The following INSC variants were observed in gnomAD, a reference collection of about 807,000 sequenced individuals.
INSC encodes the protein protein inscuteable homolog.
In INSC, 67 loss-of-function variants were observed where a neutral mutation model predicts 58.6. That is an observed-to-expected ratio of 1.14 (90% CI 0.94 to 1.40). The LOEUF is 1.40. Among genes scored for constraint, INSC ranks in the 40% most tolerant of loss-of-function variants. The pLI, the probability that INSC is intolerant of heterozygous loss-of-function variation, is 0.00. For synonymous variants in INSC, 262 were observed against 276.1 expected (o/e 0.95, Z 0.51); for missense variants, 714 against 692.0 (o/e 1.03, Z -0.36).
Position 15,175,856 on chromosome 11 carries a change from GCA to G in INSC, c.175_176del (p.Gln59GlyfsTer2). 6.2e-7 allele frequency: 1 copy of G among 1,614,004 alleles called. No homozygotes were observed. Among genetic ancestry groups the G allele is most frequent in the Non-Finnish European group, 8.5e-7 (1 of 1,179,848 alleles). ...CAAGCCCATCAGCCTGGAAGAGGAT[GCA>G]CAGGGTGACCTCATCCTGGCAGGTG... is the stretch of plus-strand genomic sequence containing the variant. ...QAKPISLEED[A>X]QGDLILAGGP... On this transcript the variant is annotated frameshift_variant, in exon 3 of 13. Transcript: ENST00000379556. LOFTEE classifies it high-confidence loss of function.
chr11:15,114,809 T>C (rs1016484024), upstream of INSC: 2 of 322,362 alleles, frequency 6.2e-6, no homozygotes, highest in Non-Finnish European at 8.3e-6. Flanking sequence ...CGCGCTGCTG[T>C]GGAAGGTCCT....
At chr11:15,255,976 C>T in the INSC span, among the ~76,000 whole-genome samples, 22 of 152,252 alleles carry the variant, frequency 1.4e-4, no homozygotes, top group East Asian at 4.2e-3. Flanking sequence ...CTTTCTTTTC[C>T]ACCCTGAGAT....
At chr11:15,149,332 A>C in intron 2 of INSC, 102 bp downstream of exon 2, 1 of 1,213,430 alleles carries the variant, frequency 8.2e-7, no homozygotes, top group Non-Finnish European at 1.1e-6. Flanking sequence ...CCATCTTCCC[A>C]CGCAATTTTC....
intron 5 of INSC, among the ~76,000 whole-genome samples, chr11:15,180,426 G>A (rs921265094): frequency 6.6e-6 from 1 of 152,136 alleles, no homozygotes; most frequent in Admixed American, 6.5e-5. Context: ...AAGAGCCTGG[G>A]AAAATCTCCC....
chr11:15,165,885 CAT>C (rs1849178941), intron 2 of INSC, among the ~76,000 whole-genome samples: 1 of 152,024 alleles, frequency 6.6e-6, no homozygotes, highest in African/African-American at 2.4e-5. Flanking sequence ...GGTGGGGGAA[CAT>C]ATGTTAGATG....
intron 7 of INSC, among the ~76,000 whole-genome samples, chr11:15,201,430 G>A (rs942947543): frequency 6.6e-6 from 1 of 152,198 alleles, no homozygotes; most frequent in Non-Finnish European, 1.5e-5. Context: ...GGTGAGGGAG[G>A]TGGAAGCCCC....
At chr11:15,238,514 A>G (rs892740247) in intron 10 of INSC, among the ~76,000 whole-genome samples, 3 of 152,166 alleles carry the variant, frequency 2.0e-5, no homozygotes, top group Admixed American at 6.5e-5. Flanking sequence ...GGCTCCCCCA[A>G]CTGCTAACCA....
chr11:15,114,134 GA>G (rs1411414967), upstream of INSC, among the ~76,000 whole-genome samples: 3 of 151,418 alleles, frequency 2.0e-5, no homozygotes, highest in African/African-American at 4.9e-5. Flanking sequence ...GGGGGAGGGG[GA>G]GTTGTATGAA....
In INSC at chr11:15,177,202, C is replaced by T. The variant is rs377610922; in HGVS notation, c.455+39C>T. ...ATAGATCTCCCAGGGTCTGCCCACC[C>T]GACCTCTGGCAGGAGAAGGGGCTGG... On this transcript the variant is annotated intron_variant, in intron 4 of 12. Coordinates refer to ENST00000379556, the MANE Select transcript of INSC (RefSeq NM_001042536.3). 1.9e-5 allele frequency: 30 copies of T among 1,546,828 alleles called. No homozygotes were observed. In the Admixed American group the frequency reaches 2.2e-4, roughly 11 times the overall value.
chr11:15,234,481 A>G (rs188234717), intron 9 of INSC, among the ~76,000 whole-genome samples: 2 of 152,238 alleles, frequency 1.3e-5, no homozygotes, highest in African/African-American at 4.8e-5. Context: ...ACATAACATT[A>G]CTATCCAGTT....
At chr11:15,237,632 G>A (rs193076622) in intron 10 of INSC, among the ~76,000 whole-genome samples, 1 of 152,140 alleles carries the variant, frequency 6.6e-6, no homozygotes, top group African/African-American at 2.4e-5. Flanking sequence ...GGCCTCTAAG[G>A]TCTGGACAGG....
At chr11:15,157,485 A>G (rs1300016614) in intron 2 of INSC, among the ~76,000 whole-genome samples, 1 of 152,198 alleles carries the variant, frequency 6.6e-6, no homozygotes, top group Non-Finnish European at 1.5e-5. Context: ...GCTGAGGACA[A>G]TTGACCCACT....
At chr11:15,161,920 C>T (rs980724139) in intron 2 of INSC, among the ~76,000 whole-genome samples, 5 of 152,152 alleles carry the variant, frequency 3.3e-5, no homozygotes, top group African/African-American at 1.2e-4. Context: ...AAGTTAATAG[C>T]CTAACCATGC....
At chr11:15,264,935 G>T in the INSC span, among the ~76,000 whole-genome samples, 1 of 152,052 alleles carries the variant, frequency 6.6e-6, no homozygotes, top group Non-Finnish European at 1.5e-5. Context: ...CAAGAATAAA[G>T]GGAGAATGAC....
chr11:15,223,337 C>CTAT (rs1487473382), intron 8 of INSC, among the ~76,000 whole-genome samples: 1 of 152,200 alleles, frequency 6.6e-6, no homozygotes, highest in Admixed American at 6.5e-5. Flanking sequence ...AGGGGTCTTC[C>CTAT]TATTTGTTTC....
chr11:15,190,172 A>G (rs1233207946), intron 5 of INSC, among the ~76,000 whole-genome samples: 1 of 152,148 alleles, frequency 6.6e-6, no homozygotes, highest in Non-Finnish European at 1.5e-5. Context: ...GGGAGAGCAA[A>G]TGTCCAAGAA....
chr11:15,180,754 C>T (rs1299848811), intron 5 of INSC, among the ~76,000 whole-genome samples: 1 of 151,398 alleles, frequency 6.6e-6, no homozygotes, highest in Non-Finnish European at 1.5e-5. Context: ...AGTTTTCTTC[C>T]TGATAACCCC....
At chr11:15,251,237 G>T (rs1852646892), downstream of INSC, among the ~76,000 whole-genome samples, 2 of 152,180 alleles carry the variant, frequency 1.3e-5, no homozygotes, top group Non-Finnish European at 2.9e-5. Context: ...GCTACATTAT[G>T]CCAAACACAA....
chr11:15,250,034 C>A (rs1374374766), downstream of INSC, among the ~76,000 whole-genome samples: 2 of 152,178 alleles, frequency 1.3e-5, no homozygotes, highest in African/African-American at 4.8e-5. Context: ...TATCTCTAGG[C>A]CCTAGGACAG....
Sources: gnomAD v4.1 joint callset for allele counts (sites outside exome capture counted in the v4.1 genomes callset) on GRCh38, gnomAD v4.1.1 for gene constraint, MANE v1.5 for transcripts, NCBI Gene and HGNC (gene_info 2026-07-23, HGNC 2026-07-21) for gene names.